The following FAM3D variants were observed in gnomAD, a reference collection of about 807,000 sequenced individuals.
The protein encoded by FAM3D is FAM3 metabolism regulating signaling molecule D.
FAM3D carries 26 observed loss-of-function variants against 29.8 expected under a neutral mutation model. That is an observed-to-expected ratio of 0.87 (90% CI 0.64 to 1.21). The LOEUF is 1.21. Among genes scored for constraint, FAM3D ranks in the 50% most tolerant of loss-of-function variants. The pLI, the probability that FAM3D is intolerant of heterozygous loss-of-function variation, is 0.00. For missense variants in FAM3D, 253 were observed against 290.9 expected, an observed-to-expected ratio of 0.87 and a Z score of 0.95; for synonymous variants, 115 against 102.3, an observed-to-expected ratio of 1.12 and a Z score of -0.75.
In FAM3D at chr3:58,634,669, A is replaced by G. The variant is rs566810239; in HGVS notation, c.586-301T>C. On this transcript the variant is annotated intron_variant, in intron 9 of 9. Transcript: ENST00000358781. This position sits in a 1 kb window ranked among gnomAD's most constrained non-coding sequence, Gnocchi z 4.6. ...ACCTCAAATAACAATAATGATAGCAACAATAAAAAGAAGACTCCGACCATG... is the reference window on the plus strand; with the variant it reads ...ACCTCAAATAACAATAATGATAGCAGCAATAAAAAGAAGACTCCGACCATG... Among the ~76,000 whole-genome samples the G allele has an allele frequency of 1.6e-4, 24 of 152,276 alleles. 1 individual carries two copies. The South Asian group carries it at 4.8e-3, about 30-fold the overall frequency.
At chr3:58,645,994 C>A (rs956950318) in intron 4 of FAM3D, among the ~76,000 whole-genome samples, 1 of 152,184 alleles carries the variant, frequency 6.6e-6, no homozygotes, top group Non-Finnish European at 1.5e-5. Context: ...TCCCCAGAGG[C>A]CCCTGTTGAG....
intron 3 of FAM3D, among the ~76,000 whole-genome samples, chr3:58,650,580 G>T (rs2066607917): frequency 1.3e-5 from 2 of 152,250 alleles, no homozygotes; most frequent in Non-Finnish European, 2.9e-5. Context: ...AAAGAAGAGA[G>T]ACCAGCTCTG....
At chr3:58,640,055 T>C in intron 7 of FAM3D, 72 bp downstream of exon 7, 1 of 1,548,246 alleles carries the variant, frequency 6.5e-7, no homozygotes, top group Non-Finnish European at 8.9e-7. Flanking sequence ...CCAGGTCCCT[T>C]GCCACATGAA....
At position 58,643,674 on chromosome 3, in the gene FAM3D, C is replaced by T. The variant is rs762861776; in HGVS notation, c.310G>A (p.Ala104Thr). The change falls in exon 6 of 10, where the codon GCC becomes ACC. Residue 104 changes from alanine (A) to threonine (T), a missense_variant. By Grantham distance (58) the Ala-to-Thr change is moderately conservative. Coordinates refer to ENST00000358781, the MANE Select transcript of FAM3D (RefSeq NM_138805.3). ...ATATGCAACTCACCATTCACCAGGG[C>T]GATGTTTAGGCCTCTGCCCACATTG... The part of the protein sequence containing the change: ...KNNVGRGLNI[A>T]LVNGTTGAVL... The T allele has an allele frequency of 5.6e-6, 9 of 1,613,510 alleles. No individual in the cohort carries two copies. The Admixed American group carries it at 6.7e-5, about 12-fold the overall frequency.
chr3:58,637,878 G>GATGATTATTATTATTATTATTATT (rs1553633265), intron 7 of FAM3D, among the ~76,000 whole-genome samples: 3 of 148,708 alleles, frequency 2.0e-5, no homozygotes, highest in South Asian at 4.3e-4. Flanking sequence ...TTTCCCTTGT[G>GATGATTATTATTATTATTATTATT]ATTATTATTA....
At position 58,634,425 on chromosome 3, in the gene FAM3D, T is replaced by C. The variant is rs2106670085; in HGVS notation, c.586-57A>G. The stretch of plus-strand genomic sequence containing the variant: ...AGTGAGTGAGGCTGTTCAGAACTCA[T>C]GCCCACATGGACACTGTGCTCTAAA... On this transcript the variant is annotated intron_variant, in intron 9 of 9. Transcript: ENST00000358781. The surrounding 1 kb of genome is among the most constrained non-coding windows in gnomAD (Gnocchi z 4.6). 1.3e-6 allele frequency: 2 copies of C among 1,485,242 alleles called. No homozygotes were observed. Among genetic ancestry groups the C allele is most frequent in the South Asian group, 1.1e-5 (1 of 87,566 alleles). 92.0% of individuals were successfully genotyped at this position (1,485,242 alleles called of 1,614,324 possible).
intron 8 of FAM3D, among the ~76,000 whole-genome samples, chr3:58,636,931 T>G (rs1374484315): frequency 6.6e-6 from 1 of 152,210 alleles, no homozygotes; most frequent in Non-Finnish European, 1.5e-5. Context: ...CTGTTATTAT[T>G]GGACAGGGAG....
chr3:58,640,079 C>T, intron 7 of FAM3D, 48 bp downstream of exon 7: 5 of 1,606,522 alleles, frequency 3.1e-6, no homozygotes, highest in Non-Finnish European at 4.3e-6. Flanking sequence ...GCTCAGCCCT[C>T]TGCACCGCAC....
chr3:58,655,608 A>G lies in FAM3D; in HGVS notation c.-38-7T>C, dbSNP rs1193733031. The G allele has an allele frequency of 6.2e-7, 1 of 1,607,558 alleles. No individual in the cohort carries two copies. The highest frequency in any genetic ancestry group is 1.3e-5 in the African/African-American group (1 of 74,932). ...GCTTGGGGTCAGCTTCCACCTATGG[A>G]GAGAAGAAAATCCAGTCGGAAACTG... On this transcript the variant is annotated splice_region_variant and splice_polypyrimidine_tract_variant and intron_variant, in intron 1 of 9. Coordinates refer to ENST00000358781, the MANE Select transcript of FAM3D (RefSeq NM_138805.3).
chr3:58,648,573 G>C (rs1460550102), intron 4 of FAM3D, among the ~76,000 whole-genome samples: 3 of 152,214 alleles, frequency 2.0e-5, no homozygotes, highest in African/African-American at 7.2e-5. Flanking sequence ...ACATAGGGTT[G>C]TATGTAGGAT....
chr3:58,653,569 C>G (rs1370553555), intron 3 of FAM3D, 105 bp downstream of exon 3: 22 of 1,109,492 alleles, frequency 2.0e-5, no homozygotes, highest in Non-Finnish European at 3.0e-5. Context: ...AAAGGCAGCA[C>G]AGCTTGTCAT....
At chr3:58,657,965 G>A (rs1413267295) in intron 1 of FAM3D, among the ~76,000 whole-genome samples, 1 of 152,166 alleles carries the variant, frequency 6.6e-6, no homozygotes, top group Non-Finnish European at 1.5e-5. Flanking sequence ...TGCTTACCTA[G>A]CCAGCCTAGC....
chr3:58,649,537 G>A (rs1458644770), intron 3 of FAM3D, 199 bp from the exon 4 acceptor site: 3 of 620,786 alleles, frequency 4.8e-6, no homozygotes, highest in Middle Eastern at 2.7e-4. Context: ...AGATACACAT[G>A]TGTACACACA....
chr3:58,661,110 T>C (rs2066920615), intron 1 of FAM3D, among the ~76,000 whole-genome samples: 1 of 152,214 alleles, frequency 6.6e-6, no homozygotes, highest in Admixed American at 6.5e-5. Flanking sequence ...AATGAATACA[T>C]GTAACTGTGT....
rs562942767 is a variant in FAM3D, at chr3:58,636,211, G to A, written c.585+83C>T. 54 of 1,545,534 alleles carry A rather than the reference G, an allele frequency of 3.5e-5. No individual in the cohort carries two copies. The African/African-American group carries it at 6.0e-4, about 17-fold the overall frequency. ...AATCCTCCCAATTTTAAGGCCCCTG[G>A]GAGGTGAATGGGTGACTCCTTCCTA... On this transcript the variant is annotated intron_variant, in intron 9 of 9. Transcript: ENST00000358781.
Position 58,635,483 on chromosome 3 carries a change from A to G in FAM3D, c.585+811T>C, listed in dbSNP as rs1222365965. 6.6e-6 allele frequency among the ~76,000 whole-genome samples: 1 copy of G among 151,656 alleles called. No homozygotes were observed. Among genetic ancestry groups the G allele is most frequent in the Non-Finnish European group, 1.5e-5 (1 of 67,954 alleles). ...ATGAAGATGATGCTGGGCTTCCTGTACTCCCACGCCTCCTCTGTCTTGCCG... is the reference window on the plus strand; with the variant it reads ...ATGAAGATGATGCTGGGCTTCCTGTGCTCCCACGCCTCCTCTGTCTTGCCG... On this transcript the variant is annotated intron_variant, in intron 9 of 9. Coordinates refer to ENST00000358781, the MANE Select transcript of FAM3D (RefSeq NM_138805.3). This position sits in a 1 kb window ranked among gnomAD's most constrained non-coding sequence, Gnocchi z 5.2.
In FAM3D at chr3:58,634,066, C is replaced by T; in HGVS notation, c.*213G>A. ...CCATTCTCTCCACAGACAGCTGGTT[C>T]CAGAAGGACCCTCTGAGGCTGGTCT... is the stretch of plus-strand genomic sequence containing the variant. On this transcript the variant is annotated 3_prime_UTR_variant, in exon 10 of 10. Transcript: ENST00000358781. The surrounding 1 kb of genome is among the most constrained non-coding windows in gnomAD (Gnocchi z 4.6). The T allele has an allele frequency of 1.9e-6, 1 of 515,154 alleles. No homozygotes were observed. Among genetic ancestry groups the T allele is most frequent in the Non-Finnish European group, 3.4e-6 (1 of 292,414 alleles). 31.9% of individuals were successfully genotyped at this position (515,154 alleles called of 1,614,324 possible).
chr3:58,661,658 T>C (rs528410841), intron 1 of FAM3D, among the ~76,000 whole-genome samples: 3 of 152,278 alleles, frequency 2.0e-5, no homozygotes, highest in African/African-American at 7.2e-5. Flanking sequence ...CTAGGTCCTG[T>C]CATGGGAGCG....
intron 9 of FAM3D, among the ~76,000 whole-genome samples, 155 bp downstream of exon 9, chr3:58,636,139 C>A (rs538899898): frequency 5.7e-4 from 86 of 152,210 alleles, no homozygotes; most frequent in Non-Finnish European, 1.0e-3. Flanking sequence ...CCAATCAGAC[C>A]ACCCTGGCCT....
Sources: allele counts gnomAD v4.1 joint callset (sites outside exome capture counted in the v4.1 genomes callset), GRCh38; gene constraint gnomAD v4.1.1; non-coding constraint Gnocchi (gnomAD v3.1); transcripts MANE v1.5; gene names NCBI Gene and HGNC (gene_info 2026-07-23, HGNC 2026-07-21).